Variants in FAM156A observed in about 807,000 individuals in gnomAD.
FAM156A encodes the protein protein FAM156A/FAM156B.
chrX:52,985,717 A>G (rs1930227125), intron 1 of FAM156A, among the ~76,000 whole-genome samples: 1 of 111,316 alleles, frequency 9.0e-6, no homozygotes, highest in African/African-American at 3.3e-5. Context: ...ATGCATATAC[A>G]TTAAGCAACT....
intron 1 of FAM156A, among the ~76,000 whole-genome samples, chrX:52,986,865 G>A (rs1556794539): frequency 9.0e-6 from 1 of 111,441 alleles, no homozygotes; most frequent in African/African-American, 3.3e-5. Context: ...AAAAAGGAAA[G>A]AAAAAGAAAT....
chrX:52,987,162 C>A (rs1223636396), intron 1 of FAM156A, among the ~76,000 whole-genome samples: 1 of 111,485 alleles, frequency 9.0e-6, no homozygotes, highest in Non-Finnish European at 1.9e-5. Context: ...TAAAAACCAT[C>A]AGAAGCTAAT....
Position 52,982,068 on chromosome X carries a change from A to G in FAM156A, c.-434+13238T>C, listed in dbSNP as rs369796289. On this transcript the variant is annotated intron_variant, in intron 1 of 4. Transcript: ENST00000610625. ...ATCCCAGCACTTTGGAAGGCCTAGG[A>G]AGGAGGACTGCTTGAGGCCAAGAGT... Among the ~76,000 whole-genome samples the G allele has an allele frequency of 2.7e-5, 3 of 111,748 alleles. No homozygotes were observed. In the Admixed American group the frequency reaches 2.8e-4, roughly 11 times the overall value.
intron 1 of FAM156A, among the ~76,000 whole-genome samples, chrX:52,975,216 A>G (rs1929370750): frequency 9.0e-6 from 1 of 110,970 alleles, no homozygotes; most frequent in Non-Finnish European, 1.9e-5. Flanking sequence ...CGTGGCCTCA[A>G]AGATGCCACG....
At chrX:52,978,353 G>A (rs1398947739) in intron 1 of FAM156A, among the ~76,000 whole-genome samples, 1 of 111,890 alleles carries the variant, frequency 8.9e-6, no homozygotes, top group African/African-American at 3.3e-5. Flanking sequence ...AGAATTTATT[G>A]GAAACTGACC....
intron 1 of FAM156A, among the ~76,000 whole-genome samples, chrX:52,973,632 A>T (rs1444738537): frequency 8.9e-6 from 1 of 112,108 alleles, no homozygotes; most frequent in Non-Finnish European, 1.9e-5. Context: ...AGAACTTCAC[A>T]GTACTGGACA....
chrX:52,975,119 G>T (rs782632243), intron 1 of FAM156A, among the ~76,000 whole-genome samples: 65 of 107,882 alleles, frequency 6.0e-4, no homozygotes, highest in African/African-American at 2.2e-3. Context: ...ATTCAGATCA[G>T]TGGGCAGCTT....
At chrX:52,977,620 G>A (rs1256762221) in intron 1 of FAM156A, among the ~76,000 whole-genome samples, 7 of 110,104 alleles carry the variant, frequency 6.4e-5, no homozygotes, top group African/African-American at 2.3e-4. Context: ...TATTCTTGTA[G>A]AGACAAGGTC....
intron 1 of FAM156A, among the ~76,000 whole-genome samples, chrX:52,986,266 G>A (rs1930280567): frequency 9.6e-6 from 1 of 104,439 alleles, no homozygotes; most frequent in Admixed American, 1.0e-4. Flanking sequence ...TAAAATCACT[G>A]CAGAAAAAAA....
intron 1 of FAM156A, among the ~76,000 whole-genome samples, chrX:52,973,558 C>G (rs1929200464): frequency 9.0e-6 from 1 of 111,548 alleles, no homozygotes; most frequent in Non-Finnish European, 1.9e-5. Context: ...ATTTGTCCTA[C>G]AAACCATGTT....
At chrX:52,988,253 A>AAAAAG (rs781811932) in intron 1 of FAM156A, among the ~76,000 whole-genome samples, 10 of 110,323 alleles carry the variant, frequency 9.1e-5, no homozygotes, top group South Asian at 3.7e-4. Context: ...CTCAAAAAAA[A>AAAAAG]AAAAGAAAAG....
chrX:52,993,963 T>C (rs1930987515), intron 1 of FAM156A, among the ~76,000 whole-genome samples: 1 of 111,037 alleles, frequency 9.0e-6, no homozygotes, highest in African/African-American at 3.3e-5. Flanking sequence ...TTTTACTGAT[T>C]ATGATACATA....
At chrX:52,984,355 C>A (rs143954827) in intron 1 of FAM156A, among the ~76,000 whole-genome samples, 1,864 of 111,928 alleles carry the variant, frequency 0.017, 123 homozygotes, top group Admixed American at 0.16. Flanking sequence ...TAGCATGTGC[C>A]AAGATTCCAG....
intron 1 of FAM156A, among the ~76,000 whole-genome samples, chrX:52,992,543 A>G (rs1465264106): frequency 1.8e-5 from 2 of 110,299 alleles, no homozygotes; most frequent in African/African-American, 6.6e-5. Flanking sequence ...GCCTGTGTGC[A>G]GGAGTCAGGG....
chrX:52,989,399 ACTC>A (rs1474036776), intron 1 of FAM156A, among the ~76,000 whole-genome samples: 1 of 109,614 alleles, frequency 9.1e-6, no homozygotes, highest in Non-Finnish European at 1.9e-5. Context: ...ACCCTGACCC[ACTC>A]CTCCTCCTCT....
intron 1 of FAM156A, among the ~76,000 whole-genome samples, chrX:52,982,518 CAGTT>C (rs1556793612): frequency 9.0e-6 from 1 of 111,302 alleles, no homozygotes; most frequent in Admixed American, 9.6e-5. Flanking sequence ...ATATATTAAT[CAGTT>C]AAAGTAAAAA....
chrX:52,973,972 A>T (rs1188205781), intron 1 of FAM156A, among the ~76,000 whole-genome samples: 9 of 110,407 alleles, frequency 8.2e-5, no homozygotes, highest in African/African-American at 3.0e-4. Flanking sequence ...CTGATTTTTT[A>T]AAAACTTTTA....
At chrX:52,994,266 G>A (rs1441001230) in intron 1 of FAM156A, among the ~76,000 whole-genome samples, 1 of 108,334 alleles carries the variant, frequency 9.2e-6, no homozygotes, top group Non-Finnish European at 1.9e-5. Context: ...GACCACACAT[G>A]CTGTGACAAA....
In FAM156A at chrX:52,982,347, G is replaced by A. The variant is rs782414648; in HGVS notation, c.-434+12959C>T. On this transcript the variant is annotated intron_variant, in intron 1 of 4. Transcript: ENST00000610625. ...TGAGCACCTGTAATCCCAGCTACTCGAGAGGCTGAGGTGGGAGAATCGCTT... is the reference window on the plus strand; with the variant it reads ...TGAGCACCTGTAATCCCAGCTACTCAAGAGGCTGAGGTGGGAGAATCGCTT... 2.5e-3 allele frequency among the ~76,000 whole-genome samples: 275 copies of A among 111,007 alleles called. 1 individual carries two copies. The highest frequency in any genetic ancestry group is 4.6e-3 in the Non-Finnish European group (244 of 52,984).
Sources: allele counts gnomAD v4.1 joint callset (sites outside exome capture counted in the v4.1 genomes callset), GRCh38; gene constraint gnomAD v4.1.1; transcripts MANE v1.5; gene names NCBI Gene and HGNC (gene_info 2026-07-23, HGNC 2026-07-21).